Variants in HCN1 observed in about 807,000 individuals in gnomAD.
The protein encoded by HCN1 is potassium/sodium hyperpolarization-activated cyclic nucleotide-gated channel 1.
In HCN1, 13 loss-of-function variants were observed where a neutral mutation model predicts 78.9. That is an observed-to-expected ratio of 0.16 (90% CI 0.11 to 0.26). The LOEUF is 0.26. Ranked by LOEUF, HCN1 falls within the 10% of genes least tolerant of loss-of-function variation. The pLI, the probability that HCN1 is intolerant of heterozygous loss-of-function variation, is 1.00. For synonymous variants in HCN1, 552 were observed against 455.5 expected (o/e 1.21, Z -2.70); for missense variants, 810 against 1,154.3 (o/e 0.70, Z 4.32).
At chr5:45,474,598 A>T (rs1174476641) in intron 2 of HCN1, among the ~76,000 whole-genome samples, 1 of 151,868 alleles carries the variant, frequency 6.6e-6, no homozygotes, top group Non-Finnish European at 1.5e-5. Context: ...ATTTAAGACA[A>T]AGGGCAAGCT....
intron 5 of HCN1, among the ~76,000 whole-genome samples, chr5:45,349,090 A>C (rs1746824345): frequency 6.6e-6 from 1 of 152,130 alleles, no homozygotes; most frequent in South Asian, 2.1e-4. Flanking sequence ...GCACCACACC[A>C]CACCTCTTCC....
At chr5:45,583,715 G>A (rs1744138737) in intron 2 of HCN1, among the ~76,000 whole-genome samples, 1 of 151,868 alleles carries the variant, frequency 6.6e-6, no homozygotes, top group Non-Finnish European at 1.5e-5. Context: ...CAGAGATTCT[G>A]GTGTGTTGTG....
chr5:45,579,110 A>T (rs1744005498), intron 2 of HCN1, among the ~76,000 whole-genome samples: 1 of 152,090 alleles, frequency 6.6e-6, no homozygotes, highest in African/African-American at 2.4e-5. Context: ...AAGTATAATA[A>T]TTAAATATAC....
chr5:45,496,488 C>T (rs1311902539), intron 2 of HCN1, among the ~76,000 whole-genome samples: 1 of 152,130 alleles, frequency 6.6e-6, no homozygotes, highest in Non-Finnish European at 1.5e-5. Context: ...GCTGTGAATC[C>T]ATCTGGTCCT....
chr5:45,586,687 A>C (rs1267452102), intron 2 of HCN1, among the ~76,000 whole-genome samples: 1 of 152,068 alleles, frequency 6.6e-6, no homozygotes, highest in Non-Finnish European at 1.5e-5. Flanking sequence ...TGTTGTTTTA[A>C]GCCACCAAAT....
chr5:45,312,956 CA>C (rs765892378), intron 5 of HCN1, among the ~76,000 whole-genome samples: 3 of 152,154 alleles, frequency 2.0e-5, no homozygotes, highest in Admixed American at 6.5e-5. Context: ...CATAGCTGAA[CA>C]AAAGGCAGCA....
intron 1 of HCN1, among the ~76,000 whole-genome samples, chr5:45,668,348 A>C (rs1281729948): frequency 1.3e-5 from 2 of 151,814 alleles, no homozygotes; most frequent in East Asian, 3.9e-4. Context: ...GGAAGTTCTC[A>C]CAAGATCTGA....
chr5:45,465,365 G>A (rs1217245541), intron 2 of HCN1, among the ~76,000 whole-genome samples: 2 of 151,914 alleles, frequency 1.3e-5, no homozygotes, highest in African/African-American at 4.8e-5. Context: ...TCAGGGTTGG[G>A]GTAACAGAAA....
chr5:45,459,656 C>T (rs1302189013), intron 3 of HCN1, among the ~76,000 whole-genome samples: 2 of 151,874 alleles, frequency 1.3e-5, no homozygotes, highest in African/African-American at 2.4e-5. Context: ...ATTATACTAC[C>T]ATATGTACTT....
At chr5:45,357,125 G>C (rs763889452) in intron 4 of HCN1, among the ~76,000 whole-genome samples, 3 of 151,720 alleles carry the variant, frequency 2.0e-5, no homozygotes, top group Non-Finnish European at 2.9e-5. Flanking sequence ...AACATCCTTG[G>C]TTTGGCTCAG....
At chr5:45,512,791 T>C (rs1022495399) in intron 2 of HCN1, among the ~76,000 whole-genome samples, 1 of 152,058 alleles carries the variant, frequency 6.6e-6, no homozygotes, top group Admixed American at 6.6e-5. Context: ...TTAGAAATAC[T>C]ACCCAGTTGT....
At chr5:45,269,380 A>G (rs1301438133) in intron 6 of HCN1, among the ~76,000 whole-genome samples, 1 of 152,120 alleles carries the variant, frequency 6.6e-6, no homozygotes, top group Non-Finnish European at 1.5e-5. Flanking sequence ...TTATATTTTC[A>G]TTTGAATTTA....
At chr5:45,585,214 G>T (rs1744185876) in intron 2 of HCN1, among the ~76,000 whole-genome samples, 1 of 152,150 alleles carries the variant, frequency 6.6e-6, no homozygotes, top group African/African-American at 2.4e-5. Context: ...TTTCTTGGAG[G>T]CTTTGTTCAT....
chr5:45,268,241 A>G (rs1224465197), intron 6 of HCN1, among the ~76,000 whole-genome samples: 1 of 152,202 alleles, frequency 6.6e-6, no homozygotes, highest in East Asian at 1.9e-4. Flanking sequence ...GTAAACAAAC[A>G]TTTGCAAATT....
intron 5 of HCN1, among the ~76,000 whole-genome samples, chr5:45,316,574 C>T (rs567335376): frequency 1.3e-5 from 2 of 151,996 alleles, no homozygotes; most frequent in African/African-American, 4.8e-5. Flanking sequence ...GGCAATCAGG[C>T]AGGAGAAAGA....
intron 5 of HCN1, among the ~76,000 whole-genome samples, chr5:45,323,776 C>T (rs528648215): frequency 6.6e-6 from 1 of 151,880 alleles, no homozygotes; most frequent in East Asian, 1.9e-4. Context: ...TCTGTGTTCT[C>T]ATTGTTCAGT....
intron 5 of HCN1, among the ~76,000 whole-genome samples, chr5:45,337,908 T>C (rs759646806): frequency 1.5e-4 from 23 of 152,084 alleles, no homozygotes; most frequent in Non-Finnish European, 2.2e-4. Flanking sequence ...AAAAGATAAA[T>C]CACCTAATTT....
At chr5:45,622,328 T>G (rs1467921300) in intron 2 of HCN1, among the ~76,000 whole-genome samples, 2 of 152,088 alleles carry the variant, frequency 1.3e-5, no homozygotes, top group Admixed American at 1.3e-4. Context: ...TTTTTCTGAG[T>G]GCTATGGGTC....
chr5:45,368,142 G>T (rs925144472), intron 4 of HCN1, among the ~76,000 whole-genome samples: 4 of 151,956 alleles, frequency 2.6e-5, no homozygotes, highest in Non-Finnish European at 5.9e-5. Context: ...TCTAATAGAA[G>T]AAGAGTAGAT....
Sources: allele counts gnomAD v4.1 joint callset (sites outside exome capture counted in the v4.1 genomes callset), GRCh38; gene constraint gnomAD v4.1.1; transcripts MANE v1.5; gene names NCBI Gene and HGNC (gene_info 2026-07-23, HGNC 2026-07-21).